Variants in UBE2K observed in about 807,000 individuals in gnomAD.
UBE2K encodes the protein ubiquitin conjugating enzyme E2 K.
UBE2K carries 6 observed loss-of-function variants against 30.0 expected under a neutral mutation model. That is an observed-to-expected ratio of 0.20 (90% CI 0.11 to 0.39). The LOEUF (loss-of-function observed/expected upper bound fraction) is 0.39, where lower values mean the gene tolerates loss of function less well. Ranked by LOEUF, UBE2K falls within the 10% of genes least tolerant of loss-of-function variation. The pLI is 1.00. For synonymous variants in UBE2K, 86 were observed against 83.7 expected (o/e 1.03, Z -0.15); for missense variants, 61 against 241.6 (o/e 0.25, Z 4.96).
chr4:39,734,234 T>C (rs1394688085), intron 1 of UBE2K, among the ~76,000 whole-genome samples: 1 of 151,594 alleles, frequency 6.6e-6, no homozygotes, highest in African/African-American at 2.4e-5. Context: ...ACCTCCCAAG[T>C]AGCGGGGACT....
intron 4 of UBE2K, among the ~76,000 whole-genome samples, chr4:39,772,444 G>A (rs1314162378): frequency 2.0e-5 from 3 of 150,994 alleles, no homozygotes; most frequent in Admixed American, 6.6e-5. Context: ...GCGTGGTGGT[G>A]TGCACCTGTA....
intron 1 of UBE2K, among the ~76,000 whole-genome samples, chr4:39,729,528 C>T (rs1261123417): frequency 6.6e-6 from 1 of 152,130 alleles, no homozygotes; most frequent in Non-Finnish European, 1.5e-5. Flanking sequence ...TTAGATTTTA[C>T]TTCCTGTCTG....
chr4:39,717,654 C>T (rs1007514756), intron 1 of UBE2K, among the ~76,000 whole-genome samples: 2 of 152,216 alleles, frequency 1.3e-5, no homozygotes, highest in Non-Finnish European at 2.9e-5. Flanking sequence ...AACCTTTATA[C>T]TGTTGTTCTT....
intron 3 of UBE2K, among the ~76,000 whole-genome samples, chr4:39,749,767 C>G (rs1049730184): frequency 6.6e-6 from 1 of 152,130 alleles, no homozygotes; most frequent in Non-Finnish European, 1.5e-5. Context: ...TATATACATA[C>G]CAATGCTAAT....
At position 39,745,789 on chromosome 4, in the gene UBE2K, A is replaced by G. The variant is rs1349218785; in HGVS notation, c.195A>G (p.Thr65=). 6.2e-7 allele frequency: 1 copy of G among 1,607,696 alleles called. No individual in the cohort carries two copies. Among genetic ancestry groups the G allele is most frequent in the African/African-American group, 1.3e-5 (1 of 74,840 alleles). ...RYQLEIKIPE[T]YPFNPPKVRF... ...AACTAGAGATAAAAATACCAGAAACATACCCATTTAATCCCCCTAAGGTAT... is the reference window on the plus strand; with the variant it reads ...AACTAGAGATAAAAATACCAGAAACGTACCCATTTAATCCCCCTAAGGTAT... The change falls in exon 3 of 7, where the codon ACA becomes ACG. Residue 65 remains threonine, a synonymous_variant. Coordinates refer to ENST00000261427, the MANE Select transcript of UBE2K (RefSeq NM_005339.5).
chr4:39,746,006 A>G (rs1720970473), intron 3 of UBE2K, among the ~76,000 whole-genome samples, 196 bp downstream of exon 3: 1 of 152,150 alleles, frequency 6.6e-6, no homozygotes, highest in Admixed American at 6.6e-5. Flanking sequence ...AAACTCACCC[A>G]AAGGCAGCCA....
chr4:39,762,278 T>C (rs1021180622), intron 4 of UBE2K, among the ~76,000 whole-genome samples: 1 of 152,038 alleles, frequency 6.6e-6, no homozygotes, highest in Non-Finnish European at 1.5e-5. Flanking sequence ...CCCAAGCTGG[T>C]CTCAAGCACC....
chr4:39,778,769 ATAAT>A lies in UBE2K; in HGVS notation c.*339_*342del, dbSNP rs1713427415. On this transcript the variant is annotated 3_prime_UTR_variant, in exon 7 of 7. Coordinates refer to ENST00000261427, the MANE Select transcript of UBE2K (RefSeq NM_005339.5). ...AGAGTTTGCTTCAGGATTTTGTTGA[ATAAT>A]TAAGATAATATTTTGAGTGTGTCAG... 5.4e-6 allele frequency: 1 copy of A among 183,556 alleles called. No homozygotes were observed. Among genetic ancestry groups the A allele is most frequent in the Non-Finnish European group, 1.2e-5 (1 of 86,910 alleles). The allele number at this position is 183,556 out of a possible 1,614,324, so 11.4% of individuals were successfully genotyped here.
intron 4 of UBE2K, among the ~76,000 whole-genome samples, chr4:39,756,684 A>G (rs1214907125): frequency 2.0e-5 from 3 of 152,156 alleles, no homozygotes; most frequent in Non-Finnish European, 4.4e-5. Flanking sequence ...GTAGTCTGAC[A>G]ATGATAAAGA....
rs150967559 is a variant in UBE2K at position 39,728,818 on chromosome 4, G to GTTTT, written c.64-8597_64-8594dup. On this transcript the variant is annotated intron_variant, in intron 1 of 6. Coordinates refer to ENST00000261427, the MANE Select transcript of UBE2K (RefSeq NM_005339.5). Reference sequence around the variant, plus strand: ...CACGCCCGGCTAGTAGGTTTTTTTTGTTTTTTTTGTTTTTTTTTTTTTGTA... The same window carrying GTTTT: ...CACGCCCGGCTAGTAGGTTTTTTTTGTTTTTTTTTTTTGTTTTTTTTTTTTTGTA... Among the ~76,000 whole-genome samples, 24 of 130,008 alleles carry GTTTT rather than the reference G, an allele frequency of 1.8e-4. 1 individual carries two copies. Among genetic ancestry groups the GTTTT allele is most frequent in the South Asian group, 4.8e-4 (2 of 4,188 alleles). 85.3% of individuals were successfully genotyped at this position (130,008 alleles called of 152,430 possible).
At position 39,706,729 on chromosome 4, in the gene UBE2K, A is replaced by G. The variant is rs1018431733; in HGVS notation, c.63+8339A>G. ...ATTACAAGTGTGAGCCACAATGCCC[A>G]GCCAAGACTATATACTCTTATTTCC... On this transcript the variant is annotated intron_variant, in intron 1 of 6. Transcript: ENST00000261427. 2.0e-5 allele frequency among the ~76,000 whole-genome samples: 3 copies of G among 151,870 alleles called. No individual in the cohort carries two copies. In the East Asian group the frequency reaches 5.8e-4, roughly 29 times the overall value.
Position 39,762,058 on chromosome 4 carries a change from A to T in UBE2K, c.299+6319A>T, listed in dbSNP as rs370840645. Among the ~76,000 whole-genome samples the T allele has an allele frequency of 4.6e-5, 7 of 151,916 alleles. No homozygotes were observed. The South Asian group carries it at 1.2e-3, about 27-fold the overall frequency. On this transcript the variant is annotated intron_variant, in intron 4 of 6. Coordinates refer to ENST00000261427, the MANE Select transcript of UBE2K (RefSeq NM_005339.5). The stretch of plus-strand genomic sequence containing the variant: ...GCCGGGCGTAGTGGCATGCGCCTGT[A>T]ATCCTAGCTACTCTGGAGGCTGAGG...
chr4:39,700,599 TG>T (rs371997721), intron 1 of UBE2K, among the ~76,000 whole-genome samples: 99 of 152,332 alleles, frequency 6.5e-4, no homozygotes, highest in Middle Eastern at 3.4e-3. Context: ...ATTGAAGACT[TG>T]TAGTATAGTC....
At chr4:39,768,648 C>T (rs551161570) in intron 4 of UBE2K, among the ~76,000 whole-genome samples, 84 of 152,172 alleles carry the variant, frequency 5.5e-4, no homozygotes, top group African/African-American at 2.0e-3. Context: ...TCTCAAAGTA[C>T]AGAGATTACA....
intron 4 of UBE2K, among the ~76,000 whole-genome samples, chr4:39,772,092 C>T (rs183767502): frequency 1.4e-4 from 21 of 152,258 alleles, no homozygotes; most frequent in Admixed American, 3.3e-4. Flanking sequence ...CTGCCTCGGC[C>T]TTCCTAAATG....
intron 1 of UBE2K, chr4:39,714,550 A>ATATATATATATATATATATTTTTTTT: frequency 1.1e-4 from 2 of 17,848 alleles, no homozygotes; most frequent in Non-Finnish European, 1.7e-4. Context: ...ATATATATAT[A>ATATATATATATATATATATTTTTTTT]TTTTTTTTTT....
chr4:39,762,348 C>G (rs909525695), intron 4 of UBE2K, among the ~76,000 whole-genome samples: 2 of 152,066 alleles, frequency 1.3e-5, no homozygotes, highest in Admixed American at 6.6e-5. Flanking sequence ...AGACTTGACC[C>G]CCTACTCCTG....
intron 2 of UBE2K, among the ~76,000 whole-genome samples, chr4:39,738,196 C>G (rs1018593323): frequency 3.3e-5 from 5 of 152,132 alleles, no homozygotes; most frequent in South Asian, 4.1e-4. Flanking sequence ...AAGGCTCTTG[C>G]ATTAATAACT....
At chr4:39,734,621 A>C (rs1720256085) in intron 1 of UBE2K, among the ~76,000 whole-genome samples, 1 of 152,054 alleles carries the variant, frequency 6.6e-6, no homozygotes. Flanking sequence ...GACCAGCCTG[A>C]GAAACATGGC....
Sources: allele counts gnomAD v4.1 joint callset (sites outside exome capture counted in the v4.1 genomes callset), GRCh38; gene constraint gnomAD v4.1.1; transcripts MANE v1.5; gene names NCBI Gene and HGNC (gene_info 2026-07-23, HGNC 2026-07-21).